Variants in KCNQ1OT1 observed in about 807,000 individuals in gnomAD.
The protein encoded by KCNQ1OT1 is KCNQ1 antisense RNA 2 (non-protein coding).
Position 2,653,545 on chromosome 11 carries a change from C to G in KCNQ1OT1, n.46450G>C, listed in dbSNP as rs183277216. The G allele has an allele frequency of 4.0e-5, 16 of 398,930 alleles. 1 individual carries two copies. In the East Asian group the frequency reaches 5.7e-4, roughly 14 times the overall value. 24.7% of individuals were successfully genotyped at this position (398,930 alleles called of 1,614,324 possible). On this transcript the variant is annotated non_coding_transcript_exon_variant, in exon 1 of 1. Transcript: ENST00000597346. The surrounding 1 kb of genome is among the most constrained non-coding windows in gnomAD (Gnocchi z 5.3). ...TGCTCTCACTCTCCCCTCTTGCACTCCCCTTCTCCCTTCCCGTTCCCTCTT... is the reference window on the plus strand; with the variant it reads ...TGCTCTCACTCTCCCCTCTTGCACTGCCCTTCTCCCTTCCCGTTCCCTCTT...
chr11:2,622,618 T>C, exon 1 of KCNQ1OT1: 1 of 398,634 alleles, frequency 2.5e-6, no homozygotes. Flanking sequence ...AATACAACAT[T>C]TCCTCCCTTA....
Position 2,690,288 on chromosome 11 carries a change from C to T in KCNQ1OT1, n.9707G>A. ...CTGCATCTGCACATATGTGTAGTGTCTTCCTCCCTGTAGGATTGTCACAAG... is the reference window on the plus strand; with the variant it reads ...CTGCATCTGCACATATGTGTAGTGTTTTCCTCCCTGTAGGATTGTCACAAG... On this transcript the variant is annotated non_coding_transcript_exon_variant, in exon 1 of 1. Coordinates refer to ENST00000597346, the Ensembl canonical transcript of KCNQ1OT1. The surrounding 1 kb of genome is among the most constrained non-coding windows in gnomAD (Gnocchi z 5.1). 2.5e-6 allele frequency: 1 copy of T among 398,728 alleles called. No individual in the cohort carries two copies. Among genetic ancestry groups the T allele is most frequent in the Non-Finnish European group, 4.4e-6 (1 of 226,108 alleles). 24.7% of individuals were successfully genotyped at this position (398,728 alleles called of 1,614,324 possible). A position where few individuals can be genotyped will look rare whatever the true frequency, so the allele number is the denominator to read the frequency against.
chr11:2,671,605 C>A lies in KCNQ1OT1; in HGVS notation n.28390G>T, dbSNP rs1251738356. Reference sequence around the variant, plus strand: ...ATACAAGATCAGACTGCACTGCACCCTAAGTATAAACCTTGCCACAGCAGT... The same window carrying A: ...ATACAAGATCAGACTGCACTGCACCATAAGTATAAACCTTGCCACAGCAGT... On this transcript the variant is annotated non_coding_transcript_exon_variant, in exon 1 of 1. Coordinates refer to ENST00000597346, the Ensembl canonical transcript of KCNQ1OT1. This position sits in a 1 kb window ranked among gnomAD's most constrained non-coding sequence, Gnocchi z 4.7. 1 of 398,532 alleles carries A rather than the reference C, an allele frequency of 2.5e-6. No homozygotes were observed. Among genetic ancestry groups the A allele is most frequent in the Non-Finnish European group, 4.4e-6 (1 of 226,078 alleles). The allele number at this position is 398,532 out of a possible 1,614,324, so 24.7% of individuals were successfully genotyped here.
exon 1 of KCNQ1OT1, chr11:2,656,894 G>A (rs916622879): frequency 2.5e-6 from 1 of 398,390 alleles, no homozygotes; most frequent in Non-Finnish European, 4.4e-6. Flanking sequence ...TGAATTTTTG[G>A]TATATGATGT....
exon 1 of KCNQ1OT1, chr11:2,618,230 CT>C: frequency 5.0e-6 from 2 of 398,496 alleles, no homozygotes; most frequent in Non-Finnish European, 8.8e-6. Context: ...AATCTTTTGG[CT>C]TCCCGGGGCC....
chr11:2,643,209 T>C, exon 1 of KCNQ1OT1: 1 of 398,330 alleles, frequency 2.5e-6, no homozygotes. Flanking sequence ...ATCCAATGTT[T>C]CTTTGTTAAT....
exon 1 of KCNQ1OT1, chr11:2,686,680 G>A: frequency 2.5e-6 from 1 of 398,608 alleles, no homozygotes; most frequent in Non-Finnish European, 4.4e-6. Context: ...GGTCCCAGTT[G>A]GATGACAAAC....
In KCNQ1OT1 at chr11:2,611,738, C is replaced by T. The variant is rs1201700789; in HGVS notation, n.88257G>A. ...ATTATTGATATGGAAGGATTTATATCTACCATGTTGTTATTTATTTTCTAT... is the reference window on the plus strand; with the variant it reads ...ATTATTGATATGGAAGGATTTATATTTACCATGTTGTTATTTATTTTCTAT... On this transcript the variant is annotated non_coding_transcript_exon_variant, in exon 1 of 1. Transcript: ENST00000597346. The surrounding 1 kb of genome is among the most constrained non-coding windows in gnomAD (Gnocchi z 5.3). The T allele has an allele frequency of 2.5e-6, 1 of 398,296 alleles. No individual in the cohort carries two copies. Among genetic ancestry groups the T allele is most frequent in the African/African-American group, 2.1e-5 (1 of 48,598 alleles). 24.7% of individuals were successfully genotyped at this position (398,296 alleles called of 1,614,324 possible).
chr11:2,637,160 G>GT (rs1208292030), exon 1 of KCNQ1OT1: 1 of 152,000 alleles, frequency 6.6e-6, no homozygotes, highest in Non-Finnish European at 1.5e-5. Flanking sequence ...TTTTTGAAGG[G>GT]TTTTTTGTGT....
exon 1 of KCNQ1OT1, chr11:2,641,386 A>C (rs1249113853): frequency 2.5e-6 from 1 of 397,398 alleles, no homozygotes; most frequent in Non-Finnish European, 4.4e-6. Flanking sequence ...ATAATTACTG[A>C]TGTTGGGCTT....
Position 2,620,834 on chromosome 11 carries a change from G to C in KCNQ1OT1, n.79161C>G. The C allele has an allele frequency of 5.0e-6, 2 of 398,498 alleles. No homozygotes were observed. Among genetic ancestry groups the C allele is most frequent in the Admixed American group, 4.4e-5 (1 of 22,720 alleles). The allele number at this position is 398,498 out of a possible 1,614,324, so 24.7% of individuals were successfully genotyped here. A position where few individuals can be genotyped will look rare whatever the true frequency, so the allele number is the denominator to read the frequency against. ...AGTGTATAAGCGTTCCCTTTTCTCTGCAGCCTTCCCAGCAACTTTTATTTT... is the reference window on the plus strand; with the variant it reads ...AGTGTATAAGCGTTCCCTTTTCTCTCCAGCCTTCCCAGCAACTTTTATTTT... On this transcript the variant is annotated non_coding_transcript_exon_variant, in exon 1 of 1. Coordinates refer to ENST00000597346, the Ensembl canonical transcript of KCNQ1OT1. The surrounding 1 kb of genome is among the most constrained non-coding windows in gnomAD (Gnocchi z 4.5).
At chr11:2,694,154 A>ATT in exon 1 of KCNQ1OT1, 1 of 398,670 alleles carries the variant, frequency 2.5e-6, no homozygotes, top group Non-Finnish European at 4.4e-6. Context: ...CTGACCAGGG[A>ATT]AGAGGGTACT....
exon 1 of KCNQ1OT1, chr11:2,610,308 G>A (rs1165641631): frequency 2.5e-6 from 1 of 397,896 alleles, no homozygotes; most frequent in African/African-American, 2.1e-5. Flanking sequence ...TTGTGGTATT[G>A]TTACATATAT....
Position 2,673,311 on chromosome 11 carries a change from C to T in KCNQ1OT1, n.26684G>A, listed in dbSNP as rs1850220561. On this transcript the variant is annotated non_coding_transcript_exon_variant, in exon 1 of 1. Coordinates refer to ENST00000597346, the Ensembl canonical transcript of KCNQ1OT1. The surrounding 1 kb of genome is among the most constrained non-coding windows in gnomAD (Gnocchi z 4.5). ...AGAAATCTTGAGAGAAACAATCCCA[C>T]AGGCTACCAGGCCAGCTTTTGGAAA... 4 of 398,784 alleles carry T rather than the reference C, an allele frequency of 1.0e-5. No homozygotes were observed. The highest frequency in any genetic ancestry group is 1.8e-5 in the Non-Finnish European group (4 of 226,164). The allele number at this position is 398,784 out of a possible 1,614,324, so 24.7% of individuals were successfully genotyped here. A position where few individuals can be genotyped will look rare whatever the true frequency, so the allele number is the denominator to read the frequency against.
In KCNQ1OT1 at chr11:2,654,951, A is replaced by G. The variant is rs1379257938; in HGVS notation, n.45044T>C. The G allele has an allele frequency of 7.5e-6, 3 of 398,480 alleles. No homozygotes were observed. The highest frequency in any genetic ancestry group is 8.8e-6 in the Non-Finnish European group (2 of 226,074). 24.7% of individuals were successfully genotyped at this position (398,480 alleles called of 1,614,324 possible). On this transcript the variant is annotated non_coding_transcript_exon_variant, in exon 1 of 1. Coordinates refer to ENST00000597346, the Ensembl canonical transcript of KCNQ1OT1. The surrounding 1 kb of genome is among the most constrained non-coding windows in gnomAD (Gnocchi z 6.4). ...CAGATACAGGAGACTTCCACAAATT[A>G]TTGTTTCTTGACTTGGAAAAGTATC...
At chr11:2,631,844 G>T in exon 1 of KCNQ1OT1, 1 of 398,558 alleles carries the variant, frequency 2.5e-6, no homozygotes, top group Non-Finnish European at 4.4e-6. Flanking sequence ...AAATAGAGTT[G>T]TGTTAATAAT....
exon 1 of KCNQ1OT1, chr11:2,697,007 T>G (rs76767344): frequency 0.055 from 22,085 of 398,506 alleles, 881 homozygotes; most frequent in Middle Eastern, 0.16. Context: ...TTTCAAAGTG[T>G]AGTCTGGGGA....
exon 1 of KCNQ1OT1, chr11:2,616,136 A>G: frequency 2.5e-6 from 1 of 397,778 alleles, no homozygotes; most frequent in Non-Finnish European, 4.4e-6. Context: ...GTTGGTATAC[A>G]GTTATTCATA....
In KCNQ1OT1 at chr11:2,682,773, G is replaced by C; in HGVS notation, n.17222C>G. 3 of 398,656 alleles carry C rather than the reference G, an allele frequency of 7.5e-6. No individual in the cohort carries two copies. The highest frequency in any genetic ancestry group is 8.8e-6 in the Non-Finnish European group (2 of 226,094). The allele number at this position is 398,656 out of a possible 1,614,324, so 24.7% of individuals were successfully genotyped here. A position where few individuals can be genotyped will look rare whatever the true frequency, so the allele number is the denominator to read the frequency against. ...TCTCTGTTGACATTCTAGAAATGCA[G>C]GGAAATCTGGGCACCATGAAATGCA... On this transcript the variant is annotated non_coding_transcript_exon_variant, in exon 1 of 1. Coordinates refer to ENST00000597346, the Ensembl canonical transcript of KCNQ1OT1. The surrounding 1 kb of genome is among the most constrained non-coding windows in gnomAD (Gnocchi z 5.8).
Sources: allele counts gnomAD v4.1 joint callset, GRCh38; gene constraint gnomAD v4.1.1; non-coding constraint Gnocchi (gnomAD v3.1); transcripts MANE v1.5; gene names NCBI Gene and HGNC (gene_info 2026-07-23, HGNC 2026-07-21).